The following ACAD10 variants were observed in gnomAD, a reference collection of about 807,000 sequenced individuals.
ACAD10 encodes ACAD-10.
In ACAD10, 112 loss-of-function variants were observed where a neutral mutation model predicts 116.8. The ratio of observed to expected loss-of-function variants is 0.96; its 90% CI spans 0.82 to 1.12. The LOEUF is 1.12. Ranked by LOEUF, ACAD10 falls within the 50% of genes most tolerant of loss-of-function variation. The pLI, the probability that ACAD10 is intolerant of heterozygous loss-of-function variation, is 0.00. For synonymous variants in ACAD10, 486 were observed against 510.6 expected, an observed-to-expected ratio of 0.95 and a Z score of 0.65; for missense variants, 1,259 against 1,350.2, an observed-to-expected ratio of 0.93 and a Z score of 1.06.
intron 5 of ACAD10, among the ~76,000 whole-genome samples, chr12:111,712,052 A>AGTT (rs1371546370): frequency 6.6e-6 from 1 of 152,114 alleles, no homozygotes; most frequent in African/African-American, 2.4e-5. Context: ...AAAAGTTTTA[A>AGTT]GTTGCTAGCC....
Position 111,744,998 on chromosome 12 carries a change from C to G in ACAD10, c.2070C>G (p.Ala690=). 1.2e-6 allele frequency: 2 copies of G among 1,614,016 alleles called. No homozygotes were observed. Among genetic ancestry groups the G allele is most frequent in the East Asian group, 2.2e-5 (1 of 44,888 alleles). Residue 690 remains alanine, a synonymous_variant, in exon 13 of 21, where the codon GCC becomes GCG. Transcript: ENST00000313698. ...PAEPELQSHQ[A]SAARWSPSPL... ...AGCCAGAGCTGCAGAGTCACCAGGCCTCAGCAGCCAGGTGGAGCCCCTCCC... is the reference window on the plus strand; with the variant it reads ...AGCCAGAGCTGCAGAGTCACCAGGCGTCAGCAGCCAGGTGGAGCCCCTCCC...
intron 3 of ACAD10, among the ~76,000 whole-genome samples, chr12:111,704,012 A>T (rs1369610249): frequency 6.6e-6 from 1 of 151,856 alleles, no homozygotes; most frequent in Non-Finnish European, 1.5e-5. Flanking sequence ...ATGGTGTATG[A>T]TTCCATCTGT....
rs764433614 is a variant in ACAD10, at chr12:111,736,829, AG to A, written c.1541del. Reference sequence around the variant, plus strand: ...CCATGAATGGCTCTGTCTTTCTCGCAGGTATTAATGACTGTGACTTGACACA... The same window carrying A: ...CCATGAATGGCTCTGTCTTTCTCGCAGTATTAATGACTGTGACTTGACACA... On this transcript the variant is annotated splice_acceptor_variant, in intron 11 of 20. Coordinates refer to ENST00000313698, the MANE Select transcript of ACAD10 (RefSeq NM_025247.6). LOFTEE classifies it high-confidence loss of function. 1.2e-6 allele frequency: 2 copies of A among 1,611,108 alleles called. No homozygotes were observed. The highest frequency in any genetic ancestry group is 3.4e-5 in the Admixed American group (2 of 59,404).
chr12:111,725,598 G>A (rs565129761), intron 8 of ACAD10, among the ~76,000 whole-genome samples: 6 of 151,546 alleles, frequency 4.0e-5, no homozygotes, highest in Non-Finnish European at 7.4e-5. Context: ...GAAATGGCGC[G>A]GTCTGGGCAC....
At chr12:111,711,564 G>A (rs555207984) in intron 5 of ACAD10, among the ~76,000 whole-genome samples, 8 of 126,786 alleles carry the variant, frequency 6.3e-5, no homozygotes, top group South Asian at 2.4e-4. Context: ...TTGCTCTTTC[G>A]TCCAGTCCAG....
chr12:111,723,727 G>A (rs968505845), intron 8 of ACAD10, among the ~76,000 whole-genome samples: 16 of 149,780 alleles, frequency 1.1e-4, no homozygotes, highest in South Asian at 6.5e-4. Flanking sequence ...GCTGCCCGGC[G>A]GAGACGCTCC....
intron 2 of ACAD10, among the ~76,000 whole-genome samples, chr12:111,700,979 A>G (rs1047160443): frequency 6.6e-6 from 1 of 151,964 alleles, no homozygotes; most frequent in Admixed American, 6.6e-5. Context: ...GGCTGGTATC[A>G]GACTCCTAGC....
intron 6 of ACAD10, among the ~76,000 whole-genome samples, chr12:111,714,245 CAAA>C (rs1318832988): frequency 3.2e-5 from 3 of 93,598 alleles, no homozygotes; most frequent in South Asian, 3.3e-4. Flanking sequence ...GCTCTGTCTC[CAAA>C]AAAAAAAAAA....
intron 6 of ACAD10, among the ~76,000 whole-genome samples, chr12:111,713,820 C>G (rs1360495511): frequency 6.6e-6 from 1 of 151,392 alleles, no homozygotes; most frequent in Non-Finnish European, 1.5e-5. Context: ...GCCTGTAATC[C>G]CAGCTACTTG....
intron 8 of ACAD10, among the ~76,000 whole-genome samples, chr12:111,725,616 C>T (rs894363685): frequency 2.0e-5 from 3 of 151,928 alleles, no homozygotes. Flanking sequence ...CACACTGCAA[C>T]CTCTGCCTCC....
intron 19 of ACAD10, among the ~76,000 whole-genome samples, chr12:111,754,134 G>C (rs950192598): frequency 3.3e-5 from 5 of 152,236 alleles, no homozygotes; most frequent in African/African-American, 1.2e-4. Context: ...CAGTGGGTCT[G>C]ATGGGGCCAC....
chr12:111,709,740 T>A (rs1250421862), intron 5 of ACAD10, 56 bp downstream of exon 5: 1 of 1,493,664 alleles, frequency 6.7e-7, no homozygotes, highest in Non-Finnish European at 9.1e-7. Flanking sequence ...AATGCAATGT[T>A]TCTCTGTAAT....
At chr12:111,710,945 G>A (rs937124496) in intron 5 of ACAD10, among the ~76,000 whole-genome samples, 2 of 152,112 alleles carry the variant, frequency 1.3e-5, no homozygotes, top group African/African-American at 4.8e-5. Context: ...TCTCTCTGCA[G>A]GATAGAAAGT....
intron 11 of ACAD10, 93 bp downstream of exon 11, chr12:111,734,161 G>A: frequency 6.4e-7 from 1 of 1,569,718 alleles, no homozygotes; most frequent in Non-Finnish European, 8.7e-7. Context: ...GATTGGGCGG[G>A]GGAAGTGAAA....
chr12:111,704,664 T>TTTTCTTTC lies in ACAD10; in HGVS notation c.337-1054_337-1047dup, dbSNP rs755036420. Among the ~76,000 whole-genome samples, 46 of 149,142 alleles carry TTTTCTTTC rather than the reference T, an allele frequency of 3.1e-4. 1 individual carries two copies. The South Asian group carries it at 9.9e-3, about 32-fold the overall frequency. On this transcript the variant is annotated intron_variant, in intron 3 of 20. Transcript: ENST00000313698. ...ATTTTGAAATGTGATAATATAAGAG[T>TTTTCTTTC]TTTCTTTCTTTCTTTCTTTCTTTCT...
intron 2 of ACAD10, among the ~76,000 whole-genome samples, chr12:111,697,112 AT>A (rs1888210477): frequency 6.6e-6 from 1 of 150,894 alleles, no homozygotes; most frequent in Non-Finnish European, 1.5e-5. Flanking sequence ...ATGGTAGTCC[AT>A]GCCTGTAATC....
At chr12:111,708,375 G>A (rs1297575185) in intron 4 of ACAD10, among the ~76,000 whole-genome samples, 1 of 151,864 alleles carries the variant, frequency 6.6e-6, no homozygotes, top group Non-Finnish European at 1.5e-5. Context: ...GTACAGCTCT[G>A]CCACTTCCAT....
intron 4 of ACAD10, among the ~76,000 whole-genome samples, chr12:111,708,616 T>A (rs542870804): frequency 6.6e-6 from 1 of 152,276 alleles, no homozygotes; most frequent in East Asian, 1.9e-4. Context: ...CCACTGGGTT[T>A]GTCCTTGGCC....
chr12:111,753,888 C>T lies in ACAD10; in HGVS notation c.2934C>T (p.Ala978=). The T allele has an allele frequency of 1.2e-6, 2 of 1,610,778 alleles. No individual in the cohort carries two copies. The highest frequency in any genetic ancestry group is 1.7e-6 in the Non-Finnish European group (2 of 1,178,148). The change falls in exon 19 of 21, where the codon GCC becomes GCT. Residue 978 remains alanine, a synonymous_variant. Transcript: ENST00000313698. The part of the protein sequence containing the change: ...EQARLLVLRA[A]HLMDLAGNKA... ...CACGGCTGCTGGTGCTGAGAGCTGC[C>T]CACCTCATGGACCTGGCAGGAAACA...
Sources: allele counts gnomAD v4.1 joint callset (sites outside exome capture counted in the v4.1 genomes callset), GRCh38; gene constraint gnomAD v4.1.1; transcripts MANE v1.5; gene names NCBI Gene and HGNC (gene_info 2026-07-23, HGNC 2026-07-21).